The following SAXO1 variants were observed in gnomAD, a reference collection of about 807,000 sequenced individuals.
SAXO1 encodes the protein stabilizer of axonemal microtubules 1.
Under a neutral mutation model 17.5 loss-of-function variants are expected in SAXO1, and 21 were observed. The ratio of observed to expected loss-of-function variants is 1.20; its 90% confidence interval spans 0.85 to 1.72. The LOEUF (loss-of-function observed/expected upper bound fraction) is 1.72. SAXO1 is among the 40% of genes most tolerant of loss of function. The pLI is 0.00. For missense variants in SAXO1, 843 were observed against 596.0 expected (o/e 1.41, Z -4.32); for synonymous variants, 274 against 216.5 (o/e 1.27, Z -2.33).
chr9:18,933,821 C>T (rs1359379905), intron 3 of SAXO1, among the ~76,000 whole-genome samples: 2 of 152,146 alleles, frequency 1.3e-5, no homozygotes, highest in African/African-American at 2.4e-5. Flanking sequence ...CCAAGGTGGG[C>T]TGATCACGAG....
chr9:18,961,514 T>A (rs966656946), intron 1 of SAXO1, among the ~76,000 whole-genome samples: 1 of 146,812 alleles, frequency 6.8e-6, no homozygotes, highest in Non-Finnish European at 1.5e-5. Flanking sequence ...CAGACCCCAG[T>A]GTGTGATGTT....
At chr9:18,978,261 C>A (rs535302445) in intron 1 of SAXO1, among the ~76,000 whole-genome samples, 2 of 152,100 alleles carry the variant, frequency 1.3e-5, no homozygotes, top group African/African-American at 4.8e-5. Flanking sequence ...CATTTTGAAG[C>A]CATGCATGTG....
At chr9:18,989,004 C>A (rs962549026) in intron 1 of SAXO1, among the ~76,000 whole-genome samples, 28 of 151,982 alleles carry the variant, frequency 1.8e-4, no homozygotes, top group African/African-American at 6.5e-4. Flanking sequence ...AGGATGTATG[C>A]CTTTTTATTT....
intron 3 of SAXO1, among the ~76,000 whole-genome samples, chr9:18,937,526 G>T (rs1417603841): frequency 2.0e-5 from 3 of 152,194 alleles, no homozygotes; most frequent in Non-Finnish European, 4.4e-5. Context: ...AAAAGTATTT[G>T]CTATAGTCTG....
At chr9:18,993,091 T>C (rs1833872310) in intron 1 of SAXO1, among the ~76,000 whole-genome samples, 1 of 152,004 alleles carries the variant, frequency 6.6e-6, no homozygotes, top group Non-Finnish European at 1.5e-5. Flanking sequence ...TGGGCCACCA[T>C]GCCCAGCCAG....
intron 1 of SAXO1, among the ~76,000 whole-genome samples, chr9:18,998,553 C>G (rs965575170): frequency 6.6e-6 from 1 of 152,062 alleles, no homozygotes; most frequent in Non-Finnish European, 1.5e-5. Context: ...GGGATATTAT[C>G]CAGAAGAACT....
chr9:18,939,503 T>C (rs557030283), intron 3 of SAXO1, among the ~76,000 whole-genome samples: 2 of 152,362 alleles, frequency 1.3e-5, no homozygotes, highest in South Asian at 4.1e-4. Context: ...CAGCCTGACA[T>C]GGCGGAAGGG....
intron 1 of SAXO1, chr9:19,027,914 G>C (rs1835570169): frequency 7.9e-6 from 11 of 1,386,056 alleles, no homozygotes; most frequent in African/African-American, 4.3e-5. Flanking sequence ...GAATCATGCA[G>C]ATCCACTCCC....
At chr9:19,027,899 G>A (rs1835569768) in intron 1 of SAXO1, 17 of 1,378,348 alleles carry the variant, frequency 1.2e-5, no homozygotes, top group Admixed American at 1.8e-5. Flanking sequence ...CGAGTGCCTG[G>A]GCCAGAATCA....
intron 3 of SAXO1, among the ~76,000 whole-genome samples, chr9:18,937,398 T>G (rs1211584987): frequency 6.6e-6 from 1 of 152,224 alleles, no homozygotes; most frequent in Non-Finnish European, 1.5e-5. Flanking sequence ...CACTTTGTTG[T>G]GTCATTCCCT....
chr9:19,046,697 C>G (rs1055130907), intron 1 of SAXO1, among the ~76,000 whole-genome samples: 1 of 137,906 alleles, frequency 7.3e-6, no homozygotes, highest in East Asian at 2.0e-4. Context: ...AGCAAAACTT[C>G]GTCTCAGAAA....
intron 1 of SAXO1, among the ~76,000 whole-genome samples, chr9:18,982,112 G>C (rs537331290): frequency 6.6e-6 from 1 of 152,082 alleles, no homozygotes; most frequent in African/African-American, 2.4e-5. Flanking sequence ...ATTCACCAGG[G>C]TGACCTGCAG....
intron 1 of SAXO1, among the ~76,000 whole-genome samples, chr9:19,003,104 C>G (rs1036871592): frequency 6.6e-6 from 1 of 152,074 alleles, no homozygotes; most frequent in Non-Finnish European, 1.5e-5. Flanking sequence ...AAAGAACAGA[C>G]AAACAGAGAG....
intron 1 of SAXO1, among the ~76,000 whole-genome samples, chr9:19,042,180 C>T (rs1207823465): frequency 2.0e-5 from 3 of 151,984 alleles, no homozygotes; most frequent in Admixed American, 6.6e-5. Context: ...GGCAAACAGG[C>T]ATATAAAAAA....
chr9:18,991,985 A>G (rs1235281555), intron 1 of SAXO1, among the ~76,000 whole-genome samples: 1 of 152,224 alleles, frequency 6.6e-6, no homozygotes, highest in Non-Finnish European at 1.5e-5. Context: ...TCTATGAATG[A>G]TAACATTGAA....
intron 1 of SAXO1, among the ~76,000 whole-genome samples, chr9:19,026,554 T>C (rs1213174996): frequency 2.0e-5 from 3 of 152,196 alleles, no homozygotes; most frequent in Non-Finnish European, 4.4e-5. Flanking sequence ...TTTAGTCATC[T>C]GGGAAAGAAC....
intron 3 of SAXO1, among the ~76,000 whole-genome samples, chr9:18,935,801 T>C (rs1020724453): frequency 1.3e-5 from 2 of 152,170 alleles, no homozygotes; most frequent in African/African-American, 4.8e-5. Context: ...CTCACTATTG[T>C]TTTTATTGAA....
intron 1 of SAXO1, among the ~76,000 whole-genome samples, chr9:18,987,613 C>T (rs1387833782): frequency 6.6e-6 from 1 of 152,076 alleles, no homozygotes; most frequent in Non-Finnish European, 1.5e-5. Context: ...GATTCTCTTC[C>T]TTGGGCCTGG....
intron 1 of SAXO1, among the ~76,000 whole-genome samples, chr9:18,991,287 T>C (rs1014155128): frequency 6.6e-6 from 1 of 152,094 alleles, no homozygotes; most frequent in Non-Finnish European, 1.5e-5. Context: ...TGCAGCACTA[T>C]TCACAAAAGC....
Sources: allele counts gnomAD v4.1 joint callset (sites outside exome capture counted in the v4.1 genomes callset), GRCh38; gene constraint gnomAD v4.1.1; transcripts MANE v1.5; gene names NCBI Gene and HGNC (gene_info 2026-07-23, HGNC 2026-07-21).